The following SGMS1 variants were observed in gnomAD, a reference collection of about 807,000 sequenced individuals.
SGMS1 encodes phosphatidylcholine:ceramide cholinephosphotransferase 1.
SGMS1 carries 13 observed loss-of-function variants against 46.2 expected under a neutral mutation model. That is an observed-to-expected ratio of 0.28 (90% CI 0.18 to 0.45). The LOEUF (loss-of-function observed/expected upper bound fraction) is 0.45, where lower values mean the gene tolerates loss of function less well. Ranked by LOEUF, SGMS1 falls within the 20% of genes least tolerant of loss-of-function variation. The pLI, the probability that SGMS1 is intolerant of heterozygous loss-of-function variation, is 1.00. For synonymous variants in SGMS1, 203 were observed against 187.8 expected (o/e 1.08, Z -0.66); for missense variants, 324 against 519.9 (o/e 0.62, Z 3.66).
At chr10:50,544,267 A>G (rs1423720785) in intron 2 of SGMS1, among the ~76,000 whole-genome samples, 2 of 152,232 alleles carry the variant, frequency 1.3e-5, no homozygotes, top group Non-Finnish European at 2.9e-5. Flanking sequence ...AGGAAACTGA[A>G]GCCCAGAAAG....
intron 2 of SGMS1, among the ~76,000 whole-genome samples, chr10:50,578,742 G>A (rs2131872283): frequency 6.6e-6 from 1 of 152,074 alleles, no homozygotes; most frequent in African/African-American, 2.4e-5. Context: ...TAAAGACAGT[G>A]GATGAACACA....
At chr10:50,459,964 G>C (rs1387932702) in intron 5 of SGMS1, 2 of 151,618 alleles carry the variant, frequency 1.3e-5, no homozygotes, top group Admixed American at 6.6e-5. Context: ...TTCTTCATTG[G>C]TAGATGGAAA....
At chr10:50,527,563 C>A (rs533361615) in intron 2 of SGMS1, among the ~76,000 whole-genome samples, 2 of 152,098 alleles carry the variant, frequency 1.3e-5, no homozygotes, top group South Asian at 2.1e-4. Flanking sequence ...CCACTTGATA[C>A]GCTGCCTCTC....
chr10:50,527,086 A>AG (rs1554790000), intron 2 of SGMS1, among the ~76,000 whole-genome samples: 2 of 144,632 alleles, frequency 1.4e-5, no homozygotes, highest in Admixed American at 6.8e-5. Flanking sequence ...AAAAAAAAAA[A>AG]AAAGAAAGAA....
At chr10:50,567,640 T>C (rs1245143017) in intron 2 of SGMS1, among the ~76,000 whole-genome samples, 2 of 152,172 alleles carry the variant, frequency 1.3e-5, no homozygotes, top group African/African-American at 2.4e-5. Context: ...TCCACTGTTA[T>C]CTAACATCTG....
At chr10:50,444,339 C>T (rs1376453542) in intron 5 of SGMS1, among the ~76,000 whole-genome samples, 2 of 152,116 alleles carry the variant, frequency 1.3e-5, no homozygotes, top group Non-Finnish European at 2.9e-5. Context: ...AGACTACAGA[C>T]TTATATCCCT....
In SGMS1 at chr10:50,619,289, A is replaced by G. The variant is rs117664827; in HGVS notation, c.-684+4418T>C. On this transcript the variant is annotated intron_variant, in intron 1 of 10. Transcript: ENST00000361781. The stretch of plus-strand genomic sequence containing the variant: ...TACAAAGCAGCAGTCAAGGCAACGC[A>G]CTAGATAAACCTGCACTAACAAGGA... 2.0e-3 allele frequency among the ~76,000 whole-genome samples: 312 copies of G among 152,332 alleles called. 2 individuals are homozygous for G. The East Asian group carries it at 0.027, about 13-fold the overall frequency.
chr10:50,576,107 T>C (rs1445249280), intron 2 of SGMS1, among the ~76,000 whole-genome samples: 1 of 151,914 alleles, frequency 6.6e-6, no homozygotes, highest in African/African-American at 2.4e-5. Flanking sequence ...AAGCAGGAGA[T>C]GGGAACCACA....
At chr10:50,570,425 A>G (rs1838326749) in intron 2 of SGMS1, among the ~76,000 whole-genome samples, 2 of 152,234 alleles carry the variant, frequency 1.3e-5, no homozygotes, top group South Asian at 4.1e-4. Context: ...TTAAAAAATA[A>G]TCTTGAGAAA....
intron 3 of SGMS1, chr10:50,474,390 G>A (rs1233113853): frequency 1.3e-5 from 2 of 152,022 alleles, no homozygotes; most frequent in Non-Finnish European, 2.9e-5. Flanking sequence ...CACCTATAAG[G>A]TGAGGTCTGT....
At chr10:50,483,806 T>C (rs1270101730) in intron 3 of SGMS1, among the ~76,000 whole-genome samples, 2 of 151,938 alleles carry the variant, frequency 1.3e-5, no homozygotes, top group East Asian at 3.9e-4. Flanking sequence ...GAGTAAATAA[T>C]GAAATCAAGG....
chr10:50,612,764 AGTGGC>A (rs1838762078), intron 1 of SGMS1, among the ~76,000 whole-genome samples: 1 of 152,142 alleles, frequency 6.6e-6, no homozygotes, highest in African/African-American at 2.4e-5. Context: ...GCTGGAGTGC[AGTGGC>A]GTGATCGCGG....
chr10:50,333,082 C>A (rs1424820116), intron 7 of SGMS1, among the ~76,000 whole-genome samples: 1 of 152,194 alleles, frequency 6.6e-6, no homozygotes, highest in Non-Finnish European at 1.5e-5. Context: ...ACTTCATCCT[C>A]CCAATTCCTT....
rs188342485 is a variant in SGMS1 at position 50,341,601 on chromosome 10, C to T, written c.623+1891G>A. Among the ~76,000 whole-genome samples, 154 of 152,188 alleles carry T rather than the reference C, an allele frequency of 1.0e-3. 2 individuals are homozygous for T. The highest frequency in any genetic ancestry group is 3.6e-3 in the African/African-American group (150 of 41,498). On this transcript the variant is annotated intron_variant, in intron 7 of 10. Transcript: ENST00000361781. Reference sequence around the variant, plus strand: ...ACAACAGAAATCATCTAGACTGAGACGTCATTATTCCGTTTGTGAGAAAAA... The same window carrying T: ...ACAACAGAAATCATCTAGACTGAGATGTCATTATTCCGTTTGTGAGAAAAA...
chr10:50,328,318 C>T (rs1035634487), intron 7 of SGMS1, among the ~76,000 whole-genome samples: 13 of 152,240 alleles, frequency 8.5e-5, no homozygotes, highest in Admixed American at 7.8e-4. Context: ...CTTCCTTAAC[C>T]TTGTGAGGAG....
At position 50,308,142 on chromosome 10, in the gene SGMS1, G is replaced by C. The variant is rs1460993832; in HGVS notation, c.902C>G (p.Pro301Arg). Residue 301 changes from proline (P) to arginine (R), a missense_variant, in exon 10 of 11, where the codon CCT becomes CGT. By Grantham distance (103) the Pro-to-Arg change is moderately radical. Transcript: ENST00000361781. ...LTYLFIKEYS[P>R]RRLWWYHWIC... is the part of the protein sequence containing the mutation. Reference sequence around the variant, plus strand: ...CCAGTGATACCACCAGAGTCGCCGAGGGGAATCTGAAAGGGGGAGAGATTT... The same window carrying C: ...CCAGTGATACCACCAGAGTCGCCGACGGGAATCTGAAAGGGGGAGAGATTT... 6.2e-7 allele frequency: 1 copy of C among 1,612,916 alleles called. No individual in the cohort carries two copies. Among genetic ancestry groups the C allele is most frequent in the South Asian group, 1.1e-5 (1 of 90,908 alleles).
intron 3 of SGMS1, among the ~76,000 whole-genome samples, chr10:50,481,462 T>C (rs1396277740): frequency 6.6e-6 from 1 of 151,942 alleles, no homozygotes; most frequent in Non-Finnish European, 1.5e-5. Context: ...GGCCTGACTG[T>C]TAAAAACAAA....
At position 50,386,099 on chromosome 10, in the gene SGMS1, C is replaced by T. The variant is rs1461004633; in HGVS notation, c.-231-41754G>A. Reference sequence around the variant, plus strand: ...CATGGTAGTTATGTTATGAAATAATCCCGCCTTTTAAAATAGAAATCTAAC... The same window carrying T: ...CATGGTAGTTATGTTATGAAATAATTCCGCCTTTTAAAATAGAAATCTAAC... On this transcript the variant is annotated intron_variant, in intron 6 of 10. Transcript: ENST00000361781. Among the ~76,000 whole-genome samples, 5 of 152,068 alleles carry T rather than the reference C, an allele frequency of 3.3e-5. No homozygotes were observed. The East Asian group carries it at 7.7e-4, about 23-fold the overall frequency.
At chr10:50,384,162 G>C (rs1403386315) in intron 6 of SGMS1, among the ~76,000 whole-genome samples, 4 of 152,114 alleles carry the variant, frequency 2.6e-5, no homozygotes, top group African/African-American at 9.7e-5. Flanking sequence ...ATGGTGTTTT[G>C]TTATAGAAGA....
Sources: allele counts gnomAD v4.1 joint callset (sites outside exome capture counted in the v4.1 genomes callset), GRCh38; gene constraint gnomAD v4.1.1; transcripts MANE v1.5; gene names NCBI Gene and HGNC (gene_info 2026-07-23, HGNC 2026-07-21).